PCCB: variants seen among roughly 807,000 people sequenced by gnomAD.
PCCB encodes propionyl-CoA carboxylase subunit beta, also known as propionyl-CoA carboxylase beta chain, mitochondrial.
A neutral mutation model predicts 60.7 loss-of-function variants in PCCB; 43 were observed. The observed-to-expected ratio is 0.71, with a 90% CI of 0.55 to 0.91. The LOEUF is 0.91. PCCB is among the 40% of genes least tolerant of loss of function. The pLI is 0.00. For missense variants in PCCB, 766 were observed against 702.8 expected (o/e 1.09, Z -1.02); for synonymous variants, 276 against 255.9 (o/e 1.08, Z -0.75).
In PCCB at chr3:136,330,030, A is replaced by C; in HGVS notation, c.*4A>C. The C allele has an allele frequency of 1.2e-6, 2 of 1,614,090 alleles. No homozygotes were observed. The highest frequency in any genetic ancestry group is 1.7e-6 in the Non-Finnish European group (2 of 1,179,960). On this transcript the variant is annotated 3_prime_UTR_variant, in exon 15 of 15. Coordinates refer to ENST00000251654, the MANE Select transcript of PCCB (RefSeq NM_000532.5). The stretch of plus-strand genomic sequence containing the variant: ...ACATGCAAATATTCCATTGTAAACA[A>C]ATCAAAGGAAAAGAAACCAAGAACT...
At chr3:136,281,030 A>C (rs1055558996) in intron 5 of PCCB, among the ~76,000 whole-genome samples, 6 of 152,290 alleles carry the variant, frequency 3.9e-5, no homozygotes, top group African/African-American at 7.2e-5. Context: ...GCATGGGATC[A>C]GTTGCTTCTA....
chr3:136,299,449 T>TGTATGCATGTGTATGTATAG (rs1310533631), intron 8 of PCCB, among the ~76,000 whole-genome samples: 3 of 151,914 alleles, frequency 2.0e-5, no homozygotes, highest in South Asian at 4.1e-4. Flanking sequence ...TATATGCATA[T>TGTATGCATGTGTATGTATAG]GTATGCATGT....
At chr3:136,310,898 T>C (rs1261144145) in intron 9 of PCCB, among the ~76,000 whole-genome samples, 1 of 152,136 alleles carries the variant, frequency 6.6e-6, no homozygotes, top group African/African-American at 2.4e-5. Context: ...CTATTCCTGA[T>C]AGACTTCATA....
At chr3:136,251,861 C>G (rs974604692) in intron 1 of PCCB, among the ~76,000 whole-genome samples, 5 of 152,136 alleles carry the variant, frequency 3.3e-5, no homozygotes, top group African/African-American at 1.2e-4. Flanking sequence ...TTAATATGAA[C>G]CCCCTCCTGC....
At chr3:136,267,739 G>C (rs567137134) in intron 5 of PCCB, among the ~76,000 whole-genome samples, 1 of 151,900 alleles carries the variant, frequency 6.6e-6, no homozygotes, top group South Asian at 2.1e-4. Flanking sequence ...CTCCTACCTC[G>C]GCTTCCTAGA....
chr3:136,289,076 C>CT (rs1933558270), intron 6 of PCCB, among the ~76,000 whole-genome samples: 1 of 152,066 alleles, frequency 6.6e-6, no homozygotes, highest in Non-Finnish European at 1.5e-5. Flanking sequence ...ATAGGCTGGT[C>CT]TTAACCCCTG....
intron 10 of PCCB, among the ~76,000 whole-genome samples, chr3:136,319,216 A>T (rs1935021687): frequency 6.6e-6 from 1 of 152,160 alleles, no homozygotes; most frequent in South Asian, 2.1e-4. Context: ...CTTCTTTGGA[A>T]AAATGTCTAT....
At chr3:136,268,114 A>ATATATATATATATATG (rs1942080898) in intron 5 of PCCB, among the ~76,000 whole-genome samples, 1 of 129,690 alleles carries the variant, frequency 7.7e-6, no homozygotes, top group Non-Finnish European at 1.6e-5. Context: ...ATATATATAT[A>ATATATATATATATATG]TATATATGTA....
chr3:136,299,380 ATATG>A (rs1299208728), intron 8 of PCCB, among the ~76,000 whole-genome samples: 4 of 151,940 alleles, frequency 2.6e-5, no homozygotes, highest in East Asian at 1.9e-4. Context: ...GTATATATGC[ATATG>A]TATGTATATG....
Position 136,322,215 on chromosome 3 carries a change from G to A in PCCB, c.1091-4588G>A, listed in dbSNP as rs59498825. Among the ~76,000 whole-genome samples the A allele has an allele frequency of 4.8e-3, 737 of 152,158 alleles. 8 individuals are homozygous for A. Among genetic ancestry groups the A allele is most frequent in the African/African-American group, 0.017 (717 of 41,506 alleles). On this transcript the variant is annotated intron_variant, in intron 10 of 14. Transcript: ENST00000251654. The stretch of plus-strand genomic sequence containing the variant: ...TTACATGCTTTTTTTGTATTCATAT[G>A]ATCATGTGATTTTTCTTCTTTAGAC...
intron 9 of PCCB, among the ~76,000 whole-genome samples, chr3:136,312,247 T>C (rs141115926): frequency 1.2e-4 from 18 of 152,372 alleles, no homozygotes; most frequent in African/African-American, 4.3e-4. Flanking sequence ...CAAACCTAGA[T>C]GGTATAACCT....
intron 9 of PCCB, among the ~76,000 whole-genome samples, chr3:136,316,153 G>C (rs995336651): frequency 1.3e-5 from 2 of 150,588 alleles, no homozygotes; most frequent in African/African-American, 2.4e-5. Context: ...CCAGGAGATC[G>C]AGGCTGCAGT....
At chr3:136,291,975 C>T (rs140707686) in intron 6 of PCCB, among the ~76,000 whole-genome samples, 3 of 152,256 alleles carry the variant, frequency 2.0e-5, no homozygotes, top group Admixed American at 6.5e-5. Context: ...GCTATAGTTC[C>T]GGTTTTCCTA....
chr3:136,287,559 T>A (rs1008282308), intron 6 of PCCB, among the ~76,000 whole-genome samples: 1 of 151,896 alleles, frequency 6.6e-6, no homozygotes, highest in Non-Finnish European at 1.5e-5. Context: ...CAGCCTCCCA[T>A]GTAGCTGGGA....
At chr3:136,274,619 A>G (rs559246085) in intron 5 of PCCB, among the ~76,000 whole-genome samples, 21 of 152,150 alleles carry the variant, frequency 1.4e-4, no homozygotes, top group Non-Finnish European at 2.1e-4. Context: ...TCTTTTTGCA[A>G]TGAATTTCCC....
rs564503673 is a variant in PCCB at position 136,327,486 on chromosome 3, T to A, written c.1300-148T>A. Reference sequence around the variant, plus strand: ...CCAGAAAAGATAATGAGCATTAACTTTGAAAGGTCTTACAGACCGTGGGCC... The same window carrying A: ...CCAGAAAAGATAATGAGCATTAACTATGAAAGGTCTTACAGACCGTGGGCC... On this transcript the variant is annotated intron_variant, in intron 12 of 14. Coordinates refer to ENST00000251654, the MANE Select transcript of PCCB (RefSeq NM_000532.5). 4 of 743,628 alleles carry A rather than the reference T, an allele frequency of 5.4e-6. No homozygotes were observed. The East Asian group carries it at 1.0e-4, about 19-fold the overall frequency. The allele number at this position is 743,628 out of a possible 1,614,324, so 46.1% of individuals were successfully genotyped here.
rs555451449 is a variant in PCCB, at chr3:136,324,046, CA to C, written c.1091-2755del. Reference sequence around the variant, plus strand: ...TATATGTTTGCCTAGTGTCTTTTTGCAATGACTTTTCCAGAGACTATATTTT... The same window carrying C: ...TATATGTTTGCCTAGTGTCTTTTTGCATGACTTTTCCAGAGACTATATTTT... On this transcript the variant is annotated intron_variant, in intron 10 of 14. Coordinates refer to ENST00000251654, the MANE Select transcript of PCCB (RefSeq NM_000532.5). 1.3e-4 allele frequency among the ~76,000 whole-genome samples: 20 copies of C among 149,396 alleles called. No individual in the cohort carries two copies. The South Asian group carries it at 4.2e-3, about 31-fold the overall frequency.
In PCCB at chr3:136,283,878, G is replaced by C. The variant is rs1184367331; in HGVS notation, c.585G>C (p.Leu195=). 1 of 1,613,942 alleles carries C rather than the reference G, an allele frequency of 6.2e-7. No homozygotes were observed. Among genetic ancestry groups the C allele is most frequent in the East Asian group, 2.2e-5 (1 of 44,888 alleles). The part of the protein sequence containing the change: ...TASGVIPQIS[L]IMGPCAGGAV... ...CCGGAGTCATCCCTCAGATTTCTCT[G>C]ATCATGGGCCCATGTGCTGGTGGGG... The change falls in exon 6 of 15, where the codon CTG becomes CTC. Residue 195 remains leucine (L), a synonymous_variant. Coordinates refer to ENST00000251654, the MANE Select transcript of PCCB (RefSeq NM_000532.5).
chr3:136,268,087 G>GATATAGATATATATATATAT (rs1313121628), intron 5 of PCCB, among the ~76,000 whole-genome samples: 5 of 93,796 alleles, frequency 5.3e-5, no homozygotes, highest in African/African-American at 2.3e-4. Flanking sequence ...TGTGTGTGTA[G>GATATAGATATATATATATAT]ATATATATAT....
Sources: gnomAD v4.1 joint callset for allele counts (sites outside exome capture counted in the v4.1 genomes callset) on GRCh38, gnomAD v4.1.1 for gene constraint, MANE v1.5 for transcripts, NCBI Gene and HGNC (gene_info 2026-07-23, HGNC 2026-07-21) for gene names.